TENM4: variants seen among roughly 807,000 people sequenced by gnomAD.
The protein encoded by TENM4 is teneurin transmembrane protein 4, also known as teneurin-4.
In TENM4, 82 loss-of-function variants were observed where a neutral mutation model predicts 243.3. The observed-to-expected ratio is 0.34, with a 90% confidence interval of 0.28 to 0.40. The LOEUF (loss-of-function observed/expected upper bound fraction) is 0.40. TENM4 is among the 10% of genes least tolerant of loss of function. The pLI, the probability that TENM4 is intolerant of heterozygous loss-of-function variation, is 1.00. For missense variants in TENM4, 3,138 were observed against 3,673.3 expected, an observed-to-expected ratio of 0.85 and a Z score of 3.77; for synonymous variants, 1,412 against 1,456.3, an observed-to-expected ratio of 0.97 and a Z score of 0.69.
intron 1 of TENM4, among the ~76,000 whole-genome samples, chr11:79,344,534 G>GGT (rs376611893): frequency 1.1e-3 from 170 of 152,260 alleles, no homozygotes; most frequent in African/African-American, 3.9e-3. Context: ...CCCCAGAAGG[G>GGT]GTCTGCATGC....
intron 3 of TENM4, among the ~76,000 whole-genome samples, chr11:79,156,756 G>A (rs184609331): frequency 1.3e-5 from 2 of 152,134 alleles, no homozygotes; most frequent in East Asian, 3.9e-4. Flanking sequence ...AGGTGCTCTG[G>A]GACAAAGAAA....
intron 18 of TENM4, among the ~76,000 whole-genome samples, chr11:78,757,958 C>T (rs1245697244): frequency 6.6e-6 from 1 of 152,198 alleles, no homozygotes; most frequent in Non-Finnish European, 1.5e-5. Context: ...ACTATCTTCC[C>T]AAAGTACAAA....
At chr11:79,158,042 T>C (rs1427749667) in intron 3 of TENM4, among the ~76,000 whole-genome samples, 1 of 152,160 alleles carries the variant, frequency 6.6e-6, no homozygotes, top group African/African-American at 2.4e-5. Flanking sequence ...TTACCTCTGC[T>C]CTCAGAAGTC....
At chr11:79,225,180 C>G (rs777004431) in intron 2 of TENM4, among the ~76,000 whole-genome samples, 12 of 152,264 alleles carry the variant, frequency 7.9e-5, no homozygotes, top group Non-Finnish European at 1.6e-4. Context: ...AGTGTTTAAG[C>G]CACTCAGTTT....
At chr11:78,902,069 TAAAG>T (rs1358677824) in intron 7 of TENM4, among the ~76,000 whole-genome samples, 3 of 152,136 alleles carry the variant, frequency 2.0e-5, no homozygotes, top group Non-Finnish European at 4.4e-5. Context: ...TCTTCACAGA[TAAAG>T]AACAGGAGTT....
intron 26 of TENM4, 85 bp downstream of exon 26, chr11:78,712,397 T>C: frequency 7.3e-7 from 1 of 1,367,290 alleles, no homozygotes; most frequent in South Asian, 1.4e-5. Context: ...CCAAAAATTT[T>C]TGCAATATTA....
At chr11:78,696,723 G>T (rs755187154) in intron 28 of TENM4, among the ~76,000 whole-genome samples, 7 of 152,182 alleles carry the variant, frequency 4.6e-5, no homozygotes, top group Non-Finnish European at 8.8e-5. Flanking sequence ...CTGACTCAGA[G>T]AGGGTCTCTT....
intron 3 of TENM4, among the ~76,000 whole-genome samples, chr11:79,195,539 T>G (rs1863608243): frequency 6.6e-6 from 1 of 152,156 alleles, no homozygotes; most frequent in South Asian, 2.1e-4. Flanking sequence ...TCAAAGGAGA[T>G]CATTTTGGAG....
At chr11:79,222,833 C>A (rs1864189722) in intron 2 of TENM4, among the ~76,000 whole-genome samples, 1 of 152,152 alleles carries the variant, frequency 6.6e-6, no homozygotes, top group African/African-American at 2.4e-5. Context: ...GTCCTTTGCA[C>A]ACTTTTTGAT....
At chr11:78,839,457 A>G (rs750876529) in intron 12 of TENM4, among the ~76,000 whole-genome samples, 2 of 152,268 alleles carry the variant, frequency 1.3e-5, no homozygotes, top group Non-Finnish European at 2.9e-5. Flanking sequence ...TTGCAGGTAT[A>G]TGGGAAATCT....
chr11:78,975,619 T>C (rs28668291), intron 6 of TENM4, among the ~76,000 whole-genome samples: 1,773 of 49,324 alleles, frequency 0.036, 26 homozygotes, highest in African/African-American at 0.15. Context: ...CACACACACA[T>C]ATATATATAT....
chr11:78,907,004 G>T (rs1856078506), intron 6 of TENM4, among the ~76,000 whole-genome samples: 1 of 152,170 alleles, frequency 6.6e-6, no homozygotes. Flanking sequence ...ATGGGTCTAT[G>T]CAGGCCTTCA....
At chr11:79,233,934 G>T (rs1864416868) in intron 2 of TENM4, among the ~76,000 whole-genome samples, 1 of 152,188 alleles carries the variant, frequency 6.6e-6, no homozygotes, top group African/African-American at 2.4e-5. Flanking sequence ...CCTCCCACAT[G>T]GCTGTGTGAG....
chr11:79,385,315 C>T (rs1264208166), intron 1 of TENM4, among the ~76,000 whole-genome samples: 1 of 152,194 alleles, frequency 6.6e-6, no homozygotes, highest in Non-Finnish European at 1.5e-5. Context: ...AACCACTAAT[C>T]TAAGTTCACT....
chr11:78,772,575 T>C (rs1195282535), intron 17 of TENM4, among the ~76,000 whole-genome samples: 9 of 152,194 alleles, frequency 5.9e-5, no homozygotes, highest in Admixed American at 2.0e-4. Flanking sequence ...TCATTATTCT[T>C]AAATGGGACA....
chr11:79,379,500 T>C (rs1857958958), intron 1 of TENM4, among the ~76,000 whole-genome samples: 1 of 152,058 alleles, frequency 6.6e-6, no homozygotes, highest in African/African-American at 2.4e-5. Flanking sequence ...ATCAGGGTGG[T>C]CCAATTTGAG....
At chr11:78,743,515 G>A (rs1214330609) in intron 19 of TENM4, among the ~76,000 whole-genome samples, 5 of 152,158 alleles carry the variant, frequency 3.3e-5, no homozygotes, top group Non-Finnish European at 7.3e-5. Context: ...AGGTGAGGGC[G>A]ATGTTAGAGA....
chr11:79,307,236 G>A (rs1856641242), intron 1 of TENM4, among the ~76,000 whole-genome samples: 1 of 152,162 alleles, frequency 6.6e-6, no homozygotes, highest in South Asian at 2.1e-4. Context: ...GGAACTAGAA[G>A]CACGTGTTGT....
At chr11:78,913,628 T>TGTGTGTGTGTGTGA (rs1295488883) in intron 6 of TENM4, among the ~76,000 whole-genome samples, 15 of 114,348 alleles carry the variant, frequency 1.3e-4, no homozygotes, top group African/African-American at 4.7e-4. Context: ...TGTGTGTGTG[T>TGTGTGTGTGTGTGA]GAGTGTCGGG....
Sources: allele counts gnomAD v4.1 joint callset (sites outside exome capture counted in the v4.1 genomes callset), GRCh38; gene constraint gnomAD v4.1.1; transcripts MANE v1.5; gene names NCBI Gene and HGNC (gene_info 2026-07-23, HGNC 2026-07-21).